The following SLC26A7 variants were observed in gnomAD, a reference collection of about 807,000 sequenced individuals.
The protein encoded by SLC26A7 is solute carrier family 26 member 7.
Under a neutral mutation model 82.5 loss-of-function variants are expected in SLC26A7, and 59 were observed. The ratio of observed to expected loss-of-function variants is 0.72; its 90% CI spans 0.58 to 0.89. SLC26A7 has a LOEUF of 0.89. SLC26A7 is among the 40% of genes least tolerant of loss of function. SLC26A7 has a pLI of 0.00. For synonymous variants in SLC26A7, 271 were observed against 274.3 expected, an observed-to-expected ratio of 0.99 and a Z score of 0.12; for missense variants, 820 against 793.0, an observed-to-expected ratio of 1.03 and a Z score of -0.41.
intron 14 of SLC26A7, among the ~76,000 whole-genome samples, chr8:91,367,012 A>G (rs1563702591): frequency 3.4e-5 from 5 of 145,876 alleles, no homozygotes. Context: ...CCTCCAAAGG[A>G]TTTTTTTTTT....
intron 4 of SLC26A7, among the ~76,000 whole-genome samples, chr8:91,298,556 C>T (rs1812078015): frequency 6.6e-6 from 1 of 152,010 alleles, no homozygotes; most frequent in African/African-American, 2.4e-5. Flanking sequence ...CATCATTGTA[C>T]CTAGCATAGA....
chr8:91,279,059 T>C (rs73694611), intron 2 of SLC26A7, among the ~76,000 whole-genome samples: 3,490 of 149,050 alleles, frequency 0.023, 148 homozygotes, highest in African/African-American at 0.078. Flanking sequence ...TCATCTACAA[T>C]GTCACAAATG....
intron 16 of SLC26A7, among the ~76,000 whole-genome samples, chr8:91,391,916 C>G (rs571984888): frequency 6.6e-6 from 1 of 151,962 alleles, no homozygotes; most frequent in African/African-American, 2.4e-5. Context: ...ATATTACAAA[C>G]AGGACTTAGG....
intron 2 of SLC26A7, among the ~76,000 whole-genome samples, chr8:91,269,249 C>T (rs1000871415): frequency 6.6e-6 from 1 of 151,968 alleles, no homozygotes; most frequent in Non-Finnish European, 1.5e-5. Flanking sequence ...AAAGAACTTT[C>T]TTTAGCATTT....
intron 6 of SLC26A7, among the ~76,000 whole-genome samples, chr8:91,335,600 G>C (rs532364524): frequency 6.6e-6 from 1 of 152,236 alleles, no homozygotes; most frequent in African/African-American, 2.4e-5. Context: ...GAAGGCTGTT[G>C]AGCTGGTAGT....
chr8:91,384,298 G>A (rs75496464), intron 15 of SLC26A7, among the ~76,000 whole-genome samples: 7,858 of 151,994 alleles, frequency 0.052, 283 homozygotes, highest in African/African-American at 0.1. Context: ...GTGTGACATC[G>A]TCAAATCTCT....
At chr8:91,271,194 C>T (rs1811257915) in intron 2 of SLC26A7, among the ~76,000 whole-genome samples, 1 of 152,204 alleles carries the variant, frequency 6.6e-6, no homozygotes, top group South Asian at 2.1e-4. Context: ...CCCTTCCATG[C>T]TCTCCAAACT....
At position 91,335,354 on chromosome 8, in the gene SLC26A7, T is replaced by C. The variant is rs117844823; in HGVS notation, c.795+907T>C. ...CATAACTAGGCCATGTATGATCCTA[T>C]ACTCTTGATAATTTGAGATTTATAT... On this transcript the variant is annotated intron_variant, in intron 6 of 18. Transcript: ENST00000276609. Among the ~76,000 whole-genome samples, 985 of 152,290 alleles carry C rather than the reference T, an allele frequency of 6.5e-3. 2 individuals are homozygous for C. The highest frequency in any genetic ancestry group is 9.9e-3 in the Non-Finnish European group (673 of 68,006).
At chr8:91,345,525 T>C (rs1813538990) in intron 9 of SLC26A7, among the ~76,000 whole-genome samples, 1 of 152,178 alleles carries the variant, frequency 6.6e-6, no homozygotes, top group African/African-American at 2.4e-5. Flanking sequence ...CCTTAAAATG[T>C]TAAAAATGAT....
intron 13 of SLC26A7, 69 bp from the exon 14 acceptor site, chr8:91,366,511 T>C (rs915499073): frequency 2.1e-5 from 32 of 1,528,430 alleles, no homozygotes; most frequent in Admixed American, 6.2e-5. Flanking sequence ...TGAGTGACAT[T>C]TAGATCTGAT....
chr8:91,323,592 CTT>C (rs952445961), intron 5 of SLC26A7, among the ~76,000 whole-genome samples: 5 of 152,152 alleles, frequency 3.3e-5, no homozygotes, highest in Non-Finnish European at 7.4e-5. Context: ...CCATACTTCC[CTT>C]AGACCACATT....
intron 4 of SLC26A7, among the ~76,000 whole-genome samples, chr8:91,310,282 A>G (rs1406409507): frequency 1.3e-5 from 2 of 152,076 alleles, no homozygotes; most frequent in African/African-American, 4.8e-5. Flanking sequence ...AAATGGAGAA[A>G]AGTCCGGTGG....
chr8:91,351,790 G>T lies in SLC26A7; in HGVS notation c.1141-20G>T. 2 of 1,563,268 alleles carry T rather than the reference G, an allele frequency of 1.3e-6. No homozygotes were observed. The highest frequency in any genetic ancestry group is 1.1e-5 in the South Asian group (1 of 88,770). ...GTTCAAGGCTTTCTTTTTCCTTTTT[G>T]TCTGTCTTGTATTTTACAGGTGGCT... On this transcript the variant is annotated intron_variant, in intron 9 of 18. Transcript: ENST00000276609.
intron 15 of SLC26A7, among the ~76,000 whole-genome samples, chr8:91,377,301 C>T (rs542356167): frequency 7.8e-4 from 118 of 152,222 alleles, no homozygotes; most frequent in Admixed American, 7.6e-3. Flanking sequence ...CTGGTGCTGC[C>T]CCCTTTCAGT....
chr8:91,354,130 G>A (rs144238491), intron 11 of SLC26A7, among the ~76,000 whole-genome samples: 1 of 152,150 alleles, frequency 6.6e-6, no homozygotes, highest in Non-Finnish European at 1.5e-5. Context: ...ATGTTAGGTG[G>A]CTCATGAAAA....
At chr8:91,286,866 A>G (rs528998589) in intron 2 of SLC26A7, among the ~76,000 whole-genome samples, 1 of 152,274 alleles carries the variant, frequency 6.6e-6, no homozygotes, top group African/African-American at 2.4e-5. Flanking sequence ...GAATCAGAAA[A>G]AGGAAACTTT....
intron 9 of SLC26A7, among the ~76,000 whole-genome samples, chr8:91,347,810 A>G (rs1230498492): frequency 6.6e-6 from 1 of 152,222 alleles, no homozygotes; most frequent in Non-Finnish European, 1.5e-5. Flanking sequence ...TGTGACACCC[A>G]AAGCATGCAT....
intron 5 of SLC26A7, among the ~76,000 whole-genome samples, chr8:91,330,441 T>C (rs796108556): frequency 2.6e-5 from 4 of 152,268 alleles, no homozygotes; most frequent in African/African-American, 9.6e-5. Context: ...TTTTGATCCA[T>C]TGTCTATATA....
chr8:91,215,729 C>T (rs7832896), intron 1 of SLC26A7, among the ~76,000 whole-genome samples: 101,859 of 152,012 alleles, frequency 0.67, 34,445 homozygotes, highest in Middle Eastern at 0.76. Context: ...TCATTGAGTG[C>T]TTTGATCTCT....
Sources: gnomAD v4.1 joint callset for allele counts (sites outside exome capture counted in the v4.1 genomes callset) on GRCh38, gnomAD v4.1.1 for gene constraint, MANE v1.5 for transcripts, NCBI Gene and HGNC (gene_info 2026-07-23, HGNC 2026-07-21) for gene names.